The following ERCC6L2 variants were observed in gnomAD, a reference collection of about 807,000 sequenced individuals.
ERCC6L2 encodes ERCC excision repair 6 like 2.
ERCC6L2 carries 77 observed loss-of-function variants against 132.0 expected under a neutral mutation model. The observed-to-expected ratio is 0.58, with a 90% CI of 0.49 to 0.71. ERCC6L2 has a LOEUF of 0.71. Among genes scored for constraint, ERCC6L2 ranks in the 30% least tolerant of loss-of-function variants. The pLI is 0.00. For synonymous variants in ERCC6L2, 583 were observed against 632.4 expected, an observed-to-expected ratio of 0.92 and a Z score of 1.17; for missense variants, 1,542 against 1,837.6, an observed-to-expected ratio of 0.84 and a Z score of 2.94.
At chr9:95,898,948 G>C (rs1828611816) in intron 3 of ERCC6L2, among the ~76,000 whole-genome samples, 1 of 152,048 alleles carries the variant, frequency 6.6e-6, no homozygotes, top group African/African-American at 2.4e-5. Flanking sequence ...ATCCTGAAGA[G>C]AATAATGGTT....
At chr9:95,951,433 G>A (rs1307469521) in intron 12 of ERCC6L2, among the ~76,000 whole-genome samples, 1 of 151,984 alleles carries the variant, frequency 6.6e-6, no homozygotes, top group Admixed American at 6.6e-5. Context: ...GCTAGCCAGA[G>A]GAAGGAAATA....
At chr9:95,948,083 A>G (rs1831149115) in intron 12 of ERCC6L2, among the ~76,000 whole-genome samples, 1 of 152,210 alleles carries the variant, frequency 6.6e-6, no homozygotes, top group African/African-American at 2.4e-5. Context: ...TATAGCTGTC[A>G]TATATAGTGA....
chr9:96,005,499 G>C (rs1284311777), intron 18 of ERCC6L2, among the ~76,000 whole-genome samples: 1 of 152,074 alleles, frequency 6.6e-6, no homozygotes, highest in Non-Finnish European at 1.5e-5. Flanking sequence ...AGGGAAGACT[G>C]TCTACATGGG....
downstream of ERCC6L2, among the ~76,000 whole-genome samples, chr9:96,021,986 C>T (rs189823210): frequency 0.015 from 2,225 of 152,296 alleles, 12 homozygotes; most frequent in Non-Finnish European, 0.024. The surrounding 1 kb of genome is among the most constrained non-coding windows in gnomAD (Gnocchi z 4.7). Context: ...CCCAATCCCC[C>T]GGCCTCACGC....
intron 6 of ERCC6L2, among the ~76,000 whole-genome samples, chr9:95,917,847 A>G (rs892987695): frequency 2.6e-5 from 4 of 152,202 alleles, no homozygotes; most frequent in Admixed American, 1.3e-4. Flanking sequence ...CCTGCCTCAC[A>G]TGGTTACTCT....
chr9:95,938,095 A>G (rs1031096200), intron 11 of ERCC6L2, among the ~76,000 whole-genome samples: 4 of 149,718 alleles, frequency 2.7e-5, no homozygotes, highest in African/African-American at 7.4e-5. Flanking sequence ...AGCTATTTAG[A>G]TGTATGTTGT....
chr9:95,883,916 C>T (rs1002028967), intron 2 of ERCC6L2, among the ~76,000 whole-genome samples: 4 of 152,196 alleles, frequency 2.6e-5, no homozygotes, highest in African/African-American at 7.2e-5. Flanking sequence ...TGTTTGGGAA[C>T]CACCATCCTG....
intron 19 of ERCC6L2, among the ~76,000 whole-genome samples, chr9:96,038,053 G>A (rs1834539557): frequency 6.6e-6 from 1 of 152,024 alleles, no homozygotes; most frequent in African/African-American, 2.4e-5. Flanking sequence ...AAGTGGGGAA[G>A]AGAGCAGACC....
chr9:96,003,409 G>A (rs1016332663), intron 17 of ERCC6L2, among the ~76,000 whole-genome samples: 4 of 152,124 alleles, frequency 2.6e-5, no homozygotes, highest in East Asian at 1.9e-4. Flanking sequence ...GGTACAAATC[G>A]CATTCCACAC....
intron 9 of ERCC6L2, 133 bp downstream of exon 9, chr9:95,923,512 G>C: frequency 2.0e-6 from 2 of 1,021,934 alleles, no homozygotes; most frequent in Non-Finnish European, 2.8e-6. Flanking sequence ...GACAAGTGGT[G>C]CAATTGTATC....
At chr9:96,030,965 C>T (rs2133266047) in intron 19 of ERCC6L2, among the ~76,000 whole-genome samples, 1 of 152,292 alleles carries the variant, frequency 6.6e-6, no homozygotes, top group South Asian at 2.1e-4. Context: ...TGGTGCTTGT[C>T]GCGCCCCCTG....
At chr9:96,029,945 C>T (rs1402364232) in intron 19 of ERCC6L2, among the ~76,000 whole-genome samples, 2 of 152,214 alleles carry the variant, frequency 1.3e-5, no homozygotes, top group Non-Finnish European at 2.9e-5. Context: ...AGCCCGGACA[C>T]CAGCCACCTC....
At chr9:95,956,106 C>T in intron 13 of ERCC6L2, 93 bp downstream of exon 13, 1 of 608,918 alleles carries the variant, frequency 1.6e-6, no homozygotes, top group Non-Finnish European at 2.7e-6. Context: ...AGTTTTAAAT[C>T]TTACTGTATT....
rs1356030307 is a variant in ERCC6L2 at position 96,017,513 on chromosome 9, A to G, written c.*4310A>G. On this transcript the variant is annotated 3_prime_UTR_variant, in exon 19 of 19. Transcript: ENST00000653738. ...CATGCACATGTCCAGGGTCCTCATC[A>G]AGAGACTGAATCAGGGGGTCTAGGG... Among the ~76,000 whole-genome samples, 1 of 152,160 alleles carries G rather than the reference A, an allele frequency of 6.6e-6. No individual in the cohort carries two copies. The highest frequency in any genetic ancestry group is 2.4e-5 in the African/African-American group (1 of 41,440).
chr9:95,989,267 T>G (rs1300363542), intron 17 of ERCC6L2, among the ~76,000 whole-genome samples: 1 of 152,210 alleles, frequency 6.6e-6, no homozygotes, highest in African/African-American at 2.4e-5. Context: ...GTTCCCTCCC[T>G]GAAAGTTGGG....
At chr9:95,907,866 C>CCT (rs1829153760) in intron 4 of ERCC6L2, among the ~76,000 whole-genome samples, 1 of 89,576 alleles carries the variant, frequency 1.1e-5, no homozygotes, top group African/African-American at 3.2e-5. Context: ...CCCCCACACC[C>CCT]ACACACCCAC....
At chr9:96,005,759 A>G (rs1284828659) in intron 18 of ERCC6L2, among the ~76,000 whole-genome samples, 1 of 152,114 alleles carries the variant, frequency 6.6e-6, no homozygotes. Context: ...CTGTTGAAGA[A>G]TGGCACGATC....
intron 6 of ERCC6L2, among the ~76,000 whole-genome samples, chr9:95,919,100 C>G (rs551200509): frequency 8.5e-5 from 13 of 152,160 alleles, no homozygotes; most frequent in African/African-American, 3.1e-4. Context: ...AACTCCTGAC[C>G]TCGTGATCTG....
chr9:96,002,190 G>A (rs1833708824), intron 17 of ERCC6L2, among the ~76,000 whole-genome samples: 1 of 152,226 alleles, frequency 6.6e-6, no homozygotes, highest in African/African-American at 2.4e-5. Flanking sequence ...GGACTGAAGG[G>A]CTCCTCAAAT....
Sources: allele counts gnomAD v4.1 joint callset (sites outside exome capture counted in the v4.1 genomes callset), GRCh38; gene constraint gnomAD v4.1.1; non-coding constraint Gnocchi (gnomAD v3.1); transcripts MANE v1.5; gene names NCBI Gene and HGNC (gene_info 2026-07-23, HGNC 2026-07-21).